INTS13: variants seen among roughly 807,000 people sequenced by gnomAD.
INTS13 encodes asunder, spermatogenesis regulator homolog (Drosphila).
In INTS13, 35 loss-of-function variants were observed where a neutral mutation model predicts 90.2. The observed-to-expected ratio is 0.39, with a 90% confidence interval of 0.30 to 0.51. INTS13 has a LOEUF of 0.51. Among genes scored for constraint, INTS13 ranks in the 20% least tolerant of loss-of-function variants. INTS13 has a pLI of 0.80. For missense variants in INTS13, 601 were observed against 851.2 expected (o/e 0.71, Z 3.66); for synonymous variants, 309 against 277.1 (o/e 1.11, Z -1.14).
intron 2 of INTS13, 72 bp downstream of exon 2, chr12:26,936,507 T>G (rs1322299315): frequency 3.6e-6 from 4 of 1,122,626 alleles, no homozygotes; most frequent in Non-Finnish European, 5.2e-6. Context: ...CTATAGCAAA[T>G]TCATATAAAA....
At chr12:26,931,217 C>T (rs1271194845) in intron 3 of INTS13, among the ~76,000 whole-genome samples, 5 of 150,998 alleles carry the variant, frequency 3.3e-5, no homozygotes, top group Admixed American at 6.6e-5. Context: ...CCGAGGCAGG[C>T]AGATCGCTTG....
chr12:26,913,469 T>C lies in INTS13; in HGVS notation c.1793A>G (p.Gln598Arg). 5 of 1,614,140 alleles carry C rather than the reference T, an allele frequency of 3.1e-6. No homozygotes were observed. The highest frequency in any genetic ancestry group is 4.2e-6 in the Non-Finnish European group (5 of 1,180,004). The change falls in exon 14 of 17, where the codon CAA becomes CGA. Residue 598 changes from glutamine to arginine, a missense_variant. Physicochemically the swap from Gln to Arg is conservative, Grantham distance 43. Around this residue, in one of 3 missense-constraint regions of INTS13, gnomAD observed 228 missense variants for 272.5 expected, o/e 0.84. Coordinates refer to ENST00000261191, the MANE Select transcript of INTS13 (RefSeq NM_018164.3). The stretch of plus-strand genomic sequence containing the variant: ...GCCAGGAAGTCACCTCTCTGAGTCT[T>C]GCCAAGACTTTTCCTGTTCATAATC... ...VKDYEQEKSWQDSERLKGILE... is the reference protein window; with the variant it reads ...VKDYEQEKSWRDSERLKGILE...
intron 1 of INTS13, among the ~76,000 whole-genome samples, chr12:26,937,051 T>A (rs1018427162): frequency 6.6e-6 from 1 of 152,212 alleles, no homozygotes; most frequent in Non-Finnish European, 1.5e-5. Flanking sequence ...TACCAGTGCA[T>A]GCATTTTTGG....
chr12:26,906,167 T>C lies in INTS13; in HGVS notation c.2081+135A>G, dbSNP rs1592190574. The C allele has an allele frequency of 1.6e-5, 13 of 833,762 alleles. No homozygotes were observed. The East Asian group carries it at 3.5e-4, about 22-fold the overall frequency. 51.6% of individuals were successfully genotyped at this position (833,762 alleles called of 1,614,324 possible). On this transcript the variant is annotated intron_variant, in intron 16 of 16. Transcript: ENST00000261191. ...AGCAAGAATCAAAGAGGTTAATTTT[T>C]TCTGCTTATGGGGAACATGTATTAG...
chr12:26,931,472 C>T (rs147293286), intron 3 of INTS13, among the ~76,000 whole-genome samples: 1 of 105,760 alleles, frequency 9.5e-6, no homozygotes, highest in African/African-American at 3.7e-5. Flanking sequence ...AGAAAACAAA[C>T]AAAAAATAAT....
Position 26,913,962 on chromosome 12 carries a change from A to T in INTS13, c.1574+12T>A. On this transcript the variant is annotated intron_variant, in intron 13 of 16. Coordinates refer to ENST00000261191, the MANE Select transcript of INTS13 (RefSeq NM_018164.3). ...ATGTGATCTATAAAGTAAGAAAGAA[A>T]AAAAAATGTACCTTTTAGGGCCCTT... 6.3e-7 allele frequency: 1 copy of T among 1,593,980 alleles called. No individual in the cohort carries two copies. Among genetic ancestry groups the T allele is most frequent in the African/African-American group, 1.4e-5 (1 of 73,612 alleles).
chr12:26,914,486 T>G lies in INTS13; in HGVS notation c.1341A>C (p.Arg447=), dbSNP rs1565821111. 1 of 1,613,968 alleles carries G rather than the reference T, an allele frequency of 6.2e-7. No individual in the cohort carries two copies. The highest frequency in any genetic ancestry group is 2.2e-5 in the East Asian group (1 of 44,824). ...IDGSLEVPLE[R]AKDQLEKHTR... ...TATGTTTTTCTAACTGATCTTTTGC[T>G]CGTTCCAAAGGGACCTCAAGACTTC... Residue 447 remains arginine, a synonymous_variant, in exon 12 of 17, where the codon CGA becomes CGC. Coordinates refer to ENST00000261191, the MANE Select transcript of INTS13 (RefSeq NM_018164.3).
chr12:26,907,462 T>C (rs1951643340), intron 15 of INTS13, among the ~76,000 whole-genome samples: 1 of 152,188 alleles, frequency 6.6e-6, no homozygotes, highest in South Asian at 2.1e-4. Flanking sequence ...ACTCAAAAAT[T>C]GATCATGACC....
At chr12:26,916,413 G>T (rs1951937461) in intron 10 of INTS13, among the ~76,000 whole-genome samples, 1 of 152,168 alleles carries the variant, frequency 6.6e-6, no homozygotes, top group African/African-American at 2.4e-5. Context: ...AACAACTATA[G>T]TGGTCTCTGG....
upstream of INTS13, chr12:26,937,996 T>TGCACAC (rs1938571912): frequency 7.0e-6 from 1 of 142,372 alleles, no homozygotes; most frequent in Non-Finnish European, 1.5e-5. Flanking sequence ...CGCGTGCGCG[T>TGCACAC]GCACACACAC....
chr12:26,913,333 GA>G, intron 14 of INTS13, 123 bp downstream of exon 14: 1 of 679,728 alleles, frequency 1.5e-6, no homozygotes, highest in Non-Finnish European at 2.5e-6. Flanking sequence ...TTACAGTAAT[GA>G]AAATGAATAA....
chr12:26,929,169 TG>T (rs1938052114), intron 3 of INTS13: 1 of 302,490 alleles, frequency 3.3e-6, no homozygotes, highest in South Asian at 5.5e-5. Context: ...AAAAATCACA[TG>T]ATCATCTCAA....
At chr12:26,913,209 A>G (rs963984042) in intron 14 of INTS13, among the ~76,000 whole-genome samples, 2 of 152,240 alleles carry the variant, frequency 1.3e-5, no homozygotes, top group Admixed American at 1.3e-4. Flanking sequence ...AACATCATGC[A>G]TTATGATTTT....
intron 14 of INTS13, among the ~76,000 whole-genome samples, chr12:26,912,482 T>C (rs963182572): frequency 6.6e-6 from 1 of 152,018 alleles, no homozygotes; most frequent in Non-Finnish European, 1.5e-5. Context: ...AGTGACCTGG[T>C]GTTGGTCTGA....
chr12:26,908,053 T>A (rs529956026), intron 15 of INTS13, among the ~76,000 whole-genome samples: 18 of 152,208 alleles, frequency 1.2e-4, no homozygotes, highest in Non-Finnish European at 2.5e-4. Flanking sequence ...TTAGTCATTA[T>A]AATACTATGT....
chr12:26,907,546 T>G (rs756932007), intron 15 of INTS13, among the ~76,000 whole-genome samples: 39 of 152,212 alleles, frequency 2.6e-4, no homozygotes, highest in Non-Finnish European at 4.6e-4. Flanking sequence ...ATTTCTAACA[T>G]GTAACACCTA....
At chr12:26,905,671 A>T in intron 16 of INTS13, 135 bp from the exon 17 acceptor site, 1 of 855,064 alleles carries the variant, frequency 1.2e-6, no homozygotes, top group Non-Finnish European at 1.8e-6. Context: ...AAGGACTAAC[A>T]TCAGGGTTCC....
At chr12:26,931,874 G>A (rs1176594821) in intron 3 of INTS13, among the ~76,000 whole-genome samples, 2 of 152,084 alleles carry the variant, frequency 1.3e-5, no homozygotes, top group African/African-American at 2.4e-5. Flanking sequence ...ATCACCTGAC[G>A]TCAGGAGTTC....
chr12:26,907,406 G>T (rs929896006), intron 15 of INTS13, among the ~76,000 whole-genome samples: 1 of 152,128 alleles, frequency 6.6e-6, no homozygotes, highest in Non-Finnish European at 1.5e-5. Context: ...GACATCGTAG[G>T]CAAAAGGATT....
Sources: allele counts gnomAD v4.1 joint callset (sites outside exome capture counted in the v4.1 genomes callset), GRCh38; gene constraint gnomAD v4.1.1; regional missense constraint gnomAD v4.1.1; transcripts MANE v1.5; gene names NCBI Gene and HGNC (gene_info 2026-07-23, HGNC 2026-07-21).